Variants in PKD1L1 observed in about 807,000 individuals in gnomAD.
PKD1L1 encodes polycystin-1-like protein 1.
PKD1L1 carries 236 observed loss-of-function variants against 323.4 expected under a neutral mutation model. That is an observed-to-expected ratio of 0.73 (90% CI 0.66 to 0.81). The LOEUF is 0.81. Among genes scored for constraint, PKD1L1 ranks in the 40% least tolerant of loss-of-function variants. PKD1L1 has a pLI of 0.00. For missense variants in PKD1L1, 3,320 were observed against 3,508.0 expected, an observed-to-expected ratio of 0.95 and a Z score of 1.35; for synonymous variants, 1,344 against 1,335.0, an observed-to-expected ratio of 1.01 and a Z score of -0.15.
intron 47 of PKD1L1, among the ~76,000 whole-genome samples, chr7:47,814,523 G>C (rs920064088): frequency 1.3e-5 from 2 of 152,148 alleles, no homozygotes; most frequent in Non-Finnish European, 2.9e-5. Flanking sequence ...AGGATTACAG[G>C]CATGTGCCAC....
rs138166272 is a variant in PKD1L1 at position 47,836,895 on chromosome 7, C to T, written c.5943+26G>A. 3.1e-4 allele frequency: 493 copies of T among 1,607,286 alleles called. 1 individual carries two copies. In the African/African-American group the frequency reaches 5.8e-3, roughly 19 times the overall value. ...ACAGTGTAGTCGGATCTGGAAGCTG[C>T]TATAAGGAAAAGCGATGGCTCTCAC... On this transcript the variant is annotated intron_variant, in intron 37 of 56. Transcript: ENST00000289672.
rs569023796 is a variant in PKD1L1 at position 47,775,052 on chromosome 7, C to G, written c.*91G>C. 50 of 1,406,182 alleles carry G rather than the reference C, an allele frequency of 3.6e-5. No individual in the cohort carries two copies. The highest frequency in any genetic ancestry group is 4.8e-5 in the Non-Finnish European group (48 of 1,005,008). The allele number at this position is 1,406,182 out of a possible 1,614,324, so 87.1% of individuals were successfully genotyped here. On this transcript the variant is annotated 3_prime_UTR_variant, in exon 57 of 57. Transcript: ENST00000289672. ...AACTTCTTCGTACCTCAGCTCTTCT[C>G]ACCTGCAAAACTAGGATGTCTGCTA... is the stretch of plus-strand genomic sequence containing the variant.
chr7:47,839,586 T>C lies in PKD1L1; in HGVS notation c.5629A>G (p.Ile1877Val). Residue 1877 changes from isoleucine to valine, a missense_variant, in exon 36 of 57, where the codon ATC becomes GTC. Coordinates refer to ENST00000289672, the MANE Select transcript of PKD1L1 (RefSeq NM_138295.5). The surrounding 1 kb of genome is among the most constrained non-coding windows in gnomAD (Gnocchi z 4.3). Reference sequence around the variant, plus strand: ...AGCTCCTTCACCATCACGTGGCTGATGAACCAGCCTGGGGAAGGCCCACGG... The same window carrying C: ...AGCTCCTTCACCATCACGTGGCTGACGAACCAGCCTGGGGAAGGCCCACGG... The part of the protein sequence containing the change: ...DSRGPSPGWF[I>V]SHVMVKELHT... The C allele has an allele frequency of 6.2e-7, 1 of 1,600,560 alleles. No individual in the cohort carries two copies. The highest frequency in any genetic ancestry group is 1.1e-5 in the South Asian group (1 of 88,276).
chr7:47,901,220 C>A (rs1410314485), intron 13 of PKD1L1, among the ~76,000 whole-genome samples: 2 of 151,218 alleles, frequency 1.3e-5, no homozygotes, highest in Non-Finnish European at 2.9e-5. Context: ...CACCTGTAAT[C>A]CCTGCTACTT....
chr7:47,890,694 T>C lies in PKD1L1; in HGVS notation c.2523A>G (p.Gln841=), dbSNP rs369379060. 2.1e-5 allele frequency: 34 copies of C among 1,613,586 alleles called. No homozygotes were observed. Among genetic ancestry groups the C allele is most frequent in the Non-Finnish European group, 2.8e-5 (33 of 1,180,008 alleles). The change falls in exon 16 of 57, where the codon CAA becomes CAG. Residue 841 remains glutamine, a synonymous_variant. Coordinates refer to ENST00000289672, the MANE Select transcript of PKD1L1 (RefSeq NM_138295.5). Reference sequence around the variant, plus strand: ...AAACAGTGGGAGCCGCGGCATCCAGTTGGTGTGCAGTGGAGGAGTCGAAGC... The same window carrying C: ...AAACAGTGGGAGCCGCGGCATCCAGCTGGTGTGCAGTGGAGGAGTCGAAGC... ...HPCFDSSTAH[Q]LDAAAPTVSF...
chr7:47,940,358 T>C, intron 2 of PKD1L1, 41 bp from the exon 3 acceptor site: 3 of 1,587,468 alleles, frequency 1.9e-6, no homozygotes, highest in South Asian at 1.1e-5. Context: ...AAGACTGCAA[T>C]GTGCTGGGAA....
rs375634984 is a variant in PKD1L1, at chr7:47,829,478, G to A, written c.6682C>T (p.Leu2228Phe). The change falls in exon 44 of 57, where the codon CTC (leucine) becomes TTC (phenylalanine). Residue 2228 changes from leucine (L) to phenylalanine (F), a missense_variant. Transcript: ENST00000289672. ...SELAERSWTR[L>F]PFSSSCSIPD... ...ATACTGCAGCTTGAAGAGAAGGGGA[G>A]GCGAGTCCAGGAACGTTCTGCCAAT... The A allele has an allele frequency of 1.2e-6, 2 of 1,613,978 alleles. No individual in the cohort carries two copies. Among genetic ancestry groups the A allele is most frequent in the African/African-American group, 2.7e-5 (2 of 74,896 alleles).
intron 2 of PKD1L1, among the ~76,000 whole-genome samples, chr7:47,943,173 T>A (rs2708852): frequency 0.013 from 674 of 51,574 alleles, 7 homozygotes; most frequent in African/African-American, 0.066. Context: ...AATATATATA[T>A]ATATATATAT....
chr7:47,865,788 G>C (rs1169537000), intron 25 of PKD1L1, among the ~76,000 whole-genome samples: 1 of 151,010 alleles, frequency 6.6e-6, no homozygotes, highest in East Asian at 1.9e-4. Context: ...GCAGAGACGG[G>C]GTTTCACTGT....
intron 13 of PKD1L1, among the ~76,000 whole-genome samples, chr7:47,901,183 A>C (rs1222365542): frequency 2.0e-5 from 3 of 151,918 alleles, no homozygotes; most frequent in Admixed American, 1.3e-4. Flanking sequence ...ATTTCTACTA[A>C]AAAAATTAGC....
chr7:47,784,609 A>G (rs6949650), intron 56 of PKD1L1, among the ~76,000 whole-genome samples: 42,116 of 151,586 alleles, frequency 0.28, 6,132 homozygotes, highest in East Asian at 0.57. Flanking sequence ...AGTAGCTGGG[A>G]TTACAGGCGC....
intron 45 of PKD1L1, among the ~76,000 whole-genome samples, chr7:47,824,600 CTAT>C (rs1785206944): frequency 6.6e-6 from 1 of 152,156 alleles, no homozygotes; most frequent in South Asian, 2.1e-4. Flanking sequence ...CCATAAGTAA[CTAT>C]TATTATTTCC....
In PKD1L1 at chr7:47,882,209, A is replaced by G. The variant is rs548063448; in HGVS notation, c.3266-124T>C. 6 of 1,030,044 alleles carry G rather than the reference A, an allele frequency of 5.8e-6. No individual in the cohort carries two copies. In the East Asian group the frequency reaches 1.6e-4, roughly 27 times the overall value. The allele number at this position is 1,030,044 out of a possible 1,614,324, so 63.8% of individuals were successfully genotyped here. ...TATTGCTGGATACCGCCTATCTAATATAATGTCTTCAGCAGCCAAACATAT... is the reference window on the plus strand; with the variant it reads ...TATTGCTGGATACCGCCTATCTAATGTAATGTCTTCAGCAGCCAAACATAT... On this transcript the variant is annotated intron_variant, in intron 19 of 56. Transcript: ENST00000289672.
chr7:47,803,279 G>A lies in PKD1L1; in HGVS notation c.7893C>T (p.Gly2631=). The change falls in exon 53 of 57, where the codon GGC becomes GGT. Residue 2631 remains glycine, a synonymous_variant. Transcript: ENST00000289672. The part of the protein sequence containing the change: ...LFTLKCVYLP[G]IQNTMASCSS... ...AGCAGGATGCCATTGTGTTTTGAAT[G>A]CCAGGAAGATAGACGCATTTTAATG... is the stretch of plus-strand genomic sequence containing the variant. The A allele has an allele frequency of 6.2e-7, 1 of 1,614,122 alleles. No individual in the cohort carries two copies. Among genetic ancestry groups the A allele is most frequent in the Non-Finnish European group, 8.5e-7 (1 of 1,179,992 alleles).
intron 41 of PKD1L1, 60 bp from the exon 42 acceptor site, chr7:47,831,412 C>A: frequency 6.4e-7 from 1 of 1,557,156 alleles, no homozygotes; most frequent in Non-Finnish European, 8.7e-7. Context: ...TCCATCCACG[C>A]GGAGTGTGGT....
At chr7:47,919,084 G>A (rs542864845) in intron 7 of PKD1L1, among the ~76,000 whole-genome samples, 22 of 152,182 alleles carry the variant, frequency 1.4e-4, no homozygotes, top group African/African-American at 5.3e-4. Context: ...AAAACAAAAA[G>A]CTGGTTCTTT....
chr7:47,934,772 C>T (rs944725956), intron 4 of PKD1L1, among the ~76,000 whole-genome samples: 19 of 152,186 alleles, frequency 1.2e-4, no homozygotes, highest in African/African-American at 2.9e-4. Flanking sequence ...GGGGGGATTG[C>T]GCTCAGGCCT....
At chr7:47,821,492 C>T (rs534168555) in intron 45 of PKD1L1, among the ~76,000 whole-genome samples, 6 of 152,132 alleles carry the variant, frequency 3.9e-5, no homozygotes, top group African/African-American at 1.2e-4. Flanking sequence ...TGGTCTAGAA[C>T]TCCTGACCTC....
At chr7:47,826,218 T>C (rs1785237918) in intron 45 of PKD1L1, among the ~76,000 whole-genome samples, 1 of 152,112 alleles carries the variant, frequency 6.6e-6, no homozygotes, top group African/African-American at 2.4e-5. Context: ...AGCTATAGGG[T>C]GGGTGCACTC....
Sources: allele counts gnomAD v4.1 joint callset (sites outside exome capture counted in the v4.1 genomes callset), GRCh38; gene constraint gnomAD v4.1.1; non-coding constraint Gnocchi (gnomAD v3.1); transcripts MANE v1.5; gene names NCBI Gene and HGNC (gene_info 2026-07-23, HGNC 2026-07-21).